Variants in SCAF4 observed in about 807,000 individuals in gnomAD.
SCAF4 encodes the protein SR-related CTD associated factor 4.
In SCAF4, 25 loss-of-function variants were observed where a neutral mutation model predicts 129.8. The observed-to-expected ratio is 0.19, with a 90% confidence interval of 0.14 to 0.27. The LOEUF is 0.27. Ranked by LOEUF, SCAF4 falls within the 10% of genes least tolerant of loss-of-function variation. The probability of loss-of-function intolerance (pLI) is 1.00; values close to 1 mark genes in which losing one functional copy is unlikely to be tolerated. For synonymous variants in SCAF4, 551 were observed against 497.7 expected (o/e 1.11, Z -1.43); for missense variants, 1,246 against 1,457.1 (o/e 0.86, Z 2.36).
In SCAF4 at chr21:31,731,697, G is replaced by C. The variant is rs765482277; in HGVS notation, c.-5C>G. 19 of 1,582,292 alleles carry C rather than the reference G, an allele frequency of 1.2e-5. No homozygotes were observed. The highest frequency in any genetic ancestry group is 1.6e-5 in the Non-Finnish European group (19 of 1,170,012). The stretch of plus-strand genomic sequence containing the variant: ...GAAGGCGTTGACGGCGTCCATGTTC[G>C]CGCTGCGGCGGCGGCTGCTCCGGGC... On this transcript the variant is annotated 5_prime_UTR_variant, in exon 1 of 20. Transcript: ENST00000286835.
intron 4 of SCAF4, among the ~76,000 whole-genome samples, chr21:31,703,301 T>C (rs1468531348): frequency 6.6e-6 from 1 of 152,122 alleles, no homozygotes; most frequent in Non-Finnish European, 1.5e-5. Context: ...GCCTTTCATA[T>C]TATTTTTTAA....
rs530249705 is a variant in SCAF4 at position 31,675,003 on chromosome 21, A to T, written c.2489-2649T>A. On this transcript the variant is annotated intron_variant, in intron 19 of 19. Coordinates refer to ENST00000286835, the MANE Select transcript of SCAF4 (RefSeq NM_020706.2). ...AGTGGCAGTCATCGGGGGTGTCTGA[A>T]TTGGATCTCAAAGGAAAATGCACAA... Among the ~76,000 whole-genome samples, 241 of 152,288 alleles carry T rather than the reference A, an allele frequency of 1.6e-3. 2 individuals carry two copies. Among genetic ancestry groups the T allele is most frequent in the African/African-American group, 5.7e-3 (237 of 41,576 alleles).
chr21:31,695,131 A>G, intron 9 of SCAF4, 151 bp from the exon 10 acceptor site: 1 of 651,392 alleles, frequency 1.5e-6, no homozygotes, highest in Non-Finnish European at 2.6e-6. Flanking sequence ...CATATGTACA[A>G]TTTCCACGCA....
At chr21:31,717,892 TATACACATATATAC>T (rs1314490827) in intron 1 of SCAF4, among the ~76,000 whole-genome samples, 3 of 108,520 alleles carry the variant, frequency 2.8e-5, no homozygotes, top group Non-Finnish European at 5.2e-5. Flanking sequence ...TATACACATA[TATACACATATATAC>T]ACACACACAC....
chr21:31,722,720 C>T (rs1268343050), intron 1 of SCAF4, among the ~76,000 whole-genome samples: 1 of 152,166 alleles, frequency 6.6e-6, no homozygotes, highest in Non-Finnish European at 1.5e-5. Context: ...CTTTGGGAGG[C>T]TGAGGCAGGT....
intron 1 of SCAF4, among the ~76,000 whole-genome samples, chr21:31,730,673 TC>T (rs2123708653): frequency 6.6e-6 from 1 of 152,354 alleles, no homozygotes; most frequent in East Asian, 1.9e-4. Flanking sequence ...TGACAATAGT[TC>T]CCATTCTGTA....
intron 1 of SCAF4, among the ~76,000 whole-genome samples, chr21:31,725,471 C>T (rs546366930): frequency 8.5e-5 from 13 of 152,120 alleles, no homozygotes; most frequent in Non-Finnish European, 1.3e-4. Flanking sequence ...AATGTCAATT[C>T]GTACATTAAG....
intron 1 of SCAF4, among the ~76,000 whole-genome samples, chr21:31,727,655 G>A (rs914462725): frequency 6.6e-6 from 1 of 152,200 alleles, no homozygotes; most frequent in East Asian, 1.9e-4. Flanking sequence ...AGCTGGGAGT[G>A]GTGGTGTGCT....
chr21:31,697,814 G>A (rs1458358013), intron 7 of SCAF4, among the ~76,000 whole-genome samples: 1 of 152,236 alleles, frequency 6.6e-6, no homozygotes, highest in African/African-American at 2.4e-5. Context: ...TTTTGGGATA[G>A]AGCTAACTTA....
intron 1 of SCAF4, among the ~76,000 whole-genome samples, chr21:31,722,909 C>T (rs1234373948): frequency 1.3e-5 from 2 of 151,994 alleles, no homozygotes; most frequent in East Asian, 3.9e-4. Flanking sequence ...GCTGCGATTG[C>T]GCCACTGTAC....
In SCAF4 at chr21:31,671,488, G is replaced by A; in HGVS notation, c.3355C>T (p.Leu1119=). 3 of 1,614,132 alleles carry A rather than the reference G, an allele frequency of 1.9e-6. No individual in the cohort carries two copies. Among genetic ancestry groups the A allele is most frequent in the Non-Finnish European group, 2.5e-6 (3 of 1,180,012 alleles). ...LEKGVSEAAV[L]KPSEELPAEA... ...GCAGGTAACTCTTCAGAAGGCTTTA[G>A]GACTGCAGCCTCAGACACCCCCTTC... The change falls in exon 20 of 20, where the codon CTA becomes TTA. Residue 1119 remains leucine, a synonymous_variant. Transcript: ENST00000286835.
Position 31,731,867 on chromosome 21 carries a change from G to T in SCAF4, c.-175C>A. 1 of 617,376 alleles carries T rather than the reference G, an allele frequency of 1.6e-6. No homozygotes were observed. 38.2% of individuals were successfully genotyped at this position (617,376 alleles called of 1,614,324 possible). A position where few individuals can be genotyped will look rare whatever the true frequency, so the allele number is the denominator to read the frequency against. On this transcript the variant is annotated 5_prime_UTR_variant, in exon 1 of 20. Coordinates refer to ENST00000286835, the MANE Select transcript of SCAF4 (RefSeq NM_020706.2). ...CCGAAGCGGCGAGGCGGGCGGCCGA[G>T]GCAGAGGCGGAGAGGTGGCGGGCCC...
chr21:31,679,982 GA>G (rs1375198677), intron 19 of SCAF4, among the ~76,000 whole-genome samples: 1 of 152,116 alleles, frequency 6.6e-6, no homozygotes, highest in Non-Finnish European at 1.5e-5. Context: ...TTCTATCACT[GA>G]ATGAGATTAT....
Position 31,700,982 on chromosome 21 carries a change from G to A in SCAF4, c.777+13C>T, listed in dbSNP as rs1332831772. On this transcript the variant is annotated intron_variant, in intron 7 of 19. Coordinates refer to ENST00000286835, the MANE Select transcript of SCAF4 (RefSeq NM_020706.2). ...ATATAAATGGTGGGGTGGGTTATGT[G>A]AGAGAAATATACCTTGTCAAATGCA... 1 of 1,613,302 alleles carries A rather than the reference G, an allele frequency of 6.2e-7. No individual in the cohort carries two copies. Among genetic ancestry groups the A allele is most frequent in the Admixed American group, 1.7e-5 (1 of 60,006 alleles).
intron 3 of SCAF4, among the ~76,000 whole-genome samples, chr21:31,705,071 T>A (rs1351102862): frequency 6.6e-6 from 1 of 151,916 alleles, no homozygotes; most frequent in Non-Finnish European, 1.5e-5. Flanking sequence ...AAGGGAAAAA[T>A]TGGGAAAATT....
intron 19 of SCAF4, among the ~76,000 whole-genome samples, chr21:31,681,223 T>C (rs139729551): frequency 6.6e-6 from 1 of 152,368 alleles, no homozygotes; most frequent in East Asian, 1.9e-4. Flanking sequence ...TCTCTTCATA[T>C]TGATAATTAA....
rs2051379531 is a variant in SCAF4, at chr21:31,732,061, T to TCC, written c.-371_-370dup. The TCC allele has an allele frequency of 7.1e-6, 3 of 419,832 alleles. No individual in the cohort carries two copies. The highest frequency in any genetic ancestry group is 4.4e-5 in the Admixed American group (1 of 22,560). 26.0% of individuals were successfully genotyped at this position (419,832 alleles called of 1,614,324 possible). ...GCCGGCGAGCGGGCGGGCCTCTCTC[T>TCC]CCCTCTCTCCAGCGGGATGGCGGCA... On this transcript the variant is annotated 5_prime_UTR_variant, in exon 1 of 20. Coordinates refer to ENST00000286835, the MANE Select transcript of SCAF4 (RefSeq NM_020706.2).
At chr21:31,694,737 C>T in intron 10 of SCAF4, 76 bp downstream of exon 10, 1 of 1,404,126 alleles carries the variant, frequency 7.1e-7, no homozygotes, top group Non-Finnish European at 1.0e-6. Context: ...ATGAAGACAG[C>T]AAGCAAATAA....
chr21:31,721,727 T>C (rs113118113), intron 1 of SCAF4, among the ~76,000 whole-genome samples: 3 of 144,776 alleles, frequency 2.1e-5, no homozygotes, highest in African/African-American at 5.2e-5. Context: ...GAGCAATTCT[T>C]TTTTTTTTTT....
Sources: gnomAD v4.1 joint callset for allele counts (sites outside exome capture counted in the v4.1 genomes callset) on GRCh38, gnomAD v4.1.1 for gene constraint, MANE v1.5 for transcripts, NCBI Gene and HGNC (gene_info 2026-07-23, HGNC 2026-07-21) for gene names.